VAC14: variants seen among roughly 807,000 people sequenced by gnomAD.
VAC14 encodes VAC14 component of PIKFYVE complex.
In VAC14, 47 loss-of-function variants were observed where a neutral mutation model predicts 85.3. That is an observed-to-expected ratio of 0.55 (90% CI 0.44 to 0.70). The LOEUF (loss-of-function observed/expected upper bound fraction) is 0.70. Ranked by LOEUF, VAC14 falls within the 30% of genes least tolerant of loss-of-function variation. The pLI, the probability that VAC14 is intolerant of heterozygous loss-of-function variation, is 0.00. For missense variants in VAC14, 861 were observed against 1,004.3 expected, an observed-to-expected ratio of 0.86 and a Z score of 1.93; for synonymous variants, 447 against 430.5, an observed-to-expected ratio of 1.04 and a Z score of -0.47.
intron 12 of VAC14, among the ~76,000 whole-genome samples, chr16:70,757,157 T>C (rs1039854586): frequency 1.3e-5 from 2 of 152,140 alleles, no homozygotes; most frequent in African/African-American, 4.8e-5. Context: ...CTGGGAAGAC[T>C]CTGGGGACAC....
At chr16:70,706,888 A>G (rs563443660) in intron 14 of VAC14, among the ~76,000 whole-genome samples, 1 of 152,074 alleles carries the variant, frequency 6.6e-6, no homozygotes, top group Non-Finnish European at 1.5e-5. Flanking sequence ...TTCCTAGGAG[A>G]CACCTGGAGT....
chr16:70,696,447 A>G (rs2053712688), intron 16 of VAC14, among the ~76,000 whole-genome samples: 2 of 152,210 alleles, frequency 1.3e-5, no homozygotes, highest in East Asian at 3.9e-4. Flanking sequence ...CAGGAGGCGG[A>G]GGTTGCAATG....
At chr16:70,688,240 C>T (rs1000758665) in intron 18 of VAC14, 150 bp from the exon 19 acceptor site, 31 of 1,276,652 alleles carry the variant, frequency 2.4e-5, no homozygotes, top group Admixed American at 7.5e-5. Flanking sequence ...TCCGTCATGG[C>T]GGGCCCCAGA....
intron 12 of VAC14, chr16:70,755,865 G>A (rs974680893): frequency 1.1e-5 from 4 of 371,816 alleles, no homozygotes; most frequent in African/African-American, 6.3e-5. Context: ...TTTGGGGGAC[G>A]GGAGAGAGCA....
chr16:70,766,655 C>G, intron 10 of VAC14: 1 of 371,560 alleles, frequency 2.7e-6, no homozygotes, highest in African/African-American at 2.1e-5. Flanking sequence ...CAGTCATTCC[C>G]TGGGCTGGAG....
intron 14 of VAC14, chr16:70,716,616 C>T (rs908618659): frequency 1.3e-5 from 2 of 152,254 alleles, no homozygotes; most frequent in Non-Finnish European, 2.9e-5. Context: ...CTGACTGAGA[C>T]TCTCTGGGAC....
intron 13 of VAC14, among the ~76,000 whole-genome samples, chr16:70,737,831 C>A (rs753104403): frequency 6.6e-6 from 1 of 152,230 alleles, no homozygotes; most frequent in Non-Finnish European, 1.5e-5. Flanking sequence ...CAGTACATAA[C>A]GCGAGTTACA....
At chr16:70,777,656 C>T (rs1257993783) in intron 9 of VAC14, among the ~76,000 whole-genome samples, 4 of 152,216 alleles carry the variant, frequency 2.6e-5, no homozygotes, top group Non-Finnish European at 5.9e-5. Flanking sequence ...AGGGGCTGCC[C>T]TGACTGGAGG....
chr16:70,779,084 G>A (rs1179425019), intron 9 of VAC14: 1 of 152,220 alleles, frequency 6.6e-6, no homozygotes, highest in Non-Finnish European at 1.5e-5. Flanking sequence ...TGGCAGGCGA[G>A]AATTCTACCA....
At chr16:70,793,852 T>C (rs1381539428) in intron 1 of VAC14, among the ~76,000 whole-genome samples, 1 of 152,248 alleles carries the variant, frequency 6.6e-6, no homozygotes, top group Admixed American at 6.5e-5. Flanking sequence ...TGTGATCTTA[T>C]ACATAGCACA....
At chr16:70,729,567 G>T (rs2054529586) in intron 14 of VAC14, among the ~76,000 whole-genome samples, 1 of 151,892 alleles carries the variant, frequency 6.6e-6, no homozygotes, top group South Asian at 2.1e-4. Context: ...ACCATCCCCG[G>T]GTCTCACCTC....
chr16:70,706,832 C>G (rs1364080094), intron 14 of VAC14, among the ~76,000 whole-genome samples: 1 of 152,174 alleles, frequency 6.6e-6, no homozygotes, highest in African/African-American at 2.4e-5. Context: ...GGATGGTGCC[C>G]ACATCCATCC....
intron 14 of VAC14, chr16:70,714,606 CCGAGTTCA>C (rs2142996999): frequency 6.6e-6 from 1 of 152,288 alleles, no homozygotes; most frequent in East Asian, 1.9e-4. Context: ...GGAAAGCTGG[CCGAGTTCA>C]CAGGCACCTG....
intron 14 of VAC14, among the ~76,000 whole-genome samples, chr16:70,707,828 C>T (rs1432783205): frequency 1.3e-5 from 2 of 150,822 alleles, no homozygotes; most frequent in African/African-American, 2.4e-5. Flanking sequence ...GATGGAGTCT[C>T]GCTCTGTCAT....
intron 13 of VAC14, among the ~76,000 whole-genome samples, chr16:70,738,712 T>C (rs2029955230): frequency 1.3e-5 from 2 of 152,316 alleles, no homozygotes; most frequent in South Asian, 4.1e-4. Context: ...TTGGTGCCCC[T>C]GCCTTCCATT....
At chr16:70,724,924 G>C (rs1401902544) in intron 14 of VAC14, among the ~76,000 whole-genome samples, 1 of 152,280 alleles carries the variant, frequency 6.6e-6, no homozygotes, top group Non-Finnish European at 1.5e-5. Context: ...TGCATTCTGG[G>C]TAGGTGGATC....
chr16:70,800,719 G>T, intron 1 of VAC14, 78 bp downstream of exon 1: 1 of 1,299,620 alleles, frequency 7.7e-7, no homozygotes. Context: ...ACCCTGGCTG[G>T]GAAGGCGTGA....
chr16:70,749,203 G>C (rs1390385962), intron 12 of VAC14, among the ~76,000 whole-genome samples: 1 of 152,208 alleles, frequency 6.6e-6, no homozygotes. Flanking sequence ...CCCAGGCTTA[G>C]TGACTGAGCA....
At chr16:70,712,128 C>T (rs1313474129) in intron 14 of VAC14, among the ~76,000 whole-genome samples, 1 of 152,010 alleles carries the variant, frequency 6.6e-6, no homozygotes, top group South Asian at 2.1e-4. Flanking sequence ...CAGCCATTTT[C>T]AGAGAATTTT....
Sources: allele counts gnomAD v4.1 joint callset (sites outside exome capture counted in the v4.1 genomes callset), GRCh38; gene constraint gnomAD v4.1.1; transcripts MANE v1.5; gene names NCBI Gene and HGNC (gene_info 2026-07-23, HGNC 2026-07-21).